MALRD1: variants seen among roughly 807,000 people sequenced by gnomAD.
MALRD1 encodes the protein MAM and LDL receptor class A domain containing 1, also known as MAM and LDL-receptor class A domain-containing protein 1.
In MALRD1, 247 loss-of-function variants were observed where a neutral mutation model predicts 242.1. The observed-to-expected ratio is 1.02, with a 90% CI of 0.92 to 1.13. MALRD1 has a LOEUF of 1.13. Ranked by LOEUF, MALRD1 falls within the 50% of genes most tolerant of loss-of-function variation. MALRD1 has a pLI of 0.00. For missense variants in MALRD1, 2,989 were observed against 2,533.1 expected (o/e 1.18, Z -3.86); for synonymous variants, 995 against 866.6 (o/e 1.15, Z -2.60).
intron 14 of MALRD1, among the ~76,000 whole-genome samples, chr10:19,191,933 G>A (rs994919109): frequency 3.9e-5 from 6 of 152,080 alleles, no homozygotes; most frequent in Non-Finnish European, 7.4e-5. Context: ...GGGAAGCGGA[G>A]GTTGTAGTGA....
At chr10:19,182,836 T>C (rs1324896146) in intron 14 of MALRD1, among the ~76,000 whole-genome samples, 1 of 152,184 alleles carries the variant, frequency 6.6e-6, no homozygotes, top group Non-Finnish European at 1.5e-5. Context: ...GGTCACTTAG[T>C]AAATGCTGTC....
intron 29 of MALRD1, among the ~76,000 whole-genome samples, chr10:19,490,857 C>T (rs555392653): frequency 1.3e-5 from 2 of 152,152 alleles, no homozygotes; most frequent in East Asian, 3.9e-4. Context: ...AAAAAATTTG[C>T]ATAAAATAGT....
chr10:19,374,157 A>G (rs931955877), intron 26 of MALRD1, among the ~76,000 whole-genome samples: 12 of 152,222 alleles, frequency 7.9e-5, no homozygotes, highest in Non-Finnish European at 1.5e-4. Flanking sequence ...ATATATAAAT[A>G]CACATTACTG....
intron 21 of MALRD1, among the ~76,000 whole-genome samples, chr10:19,296,007 A>C (rs1028334197): frequency 6.6e-6 from 1 of 152,016 alleles, no homozygotes; most frequent in Non-Finnish European, 1.5e-5. Context: ...AATTACTTGG[A>C]GGCAGTGTTG....
chr10:19,522,090 A>G (rs940463011), intron 31 of MALRD1, among the ~76,000 whole-genome samples: 6 of 151,320 alleles, frequency 4.0e-5, no homozygotes, highest in African/African-American at 7.4e-5. Context: ...CGCAAGATTA[A>G]TATTTATAAT....
At chr10:19,271,708 A>C (rs1840252396) in intron 19 of MALRD1, among the ~76,000 whole-genome samples, 1 of 151,466 alleles carries the variant, frequency 6.6e-6, no homozygotes, top group South Asian at 2.1e-4. Context: ...GGTTGCAGTG[A>C]GCCGAGATCT....
rs530625522 is a variant in MALRD1, at chr10:19,528,942, A to G, written c.5321-2252A>G. Reference sequence around the variant, plus strand: ...GCCCATGAACGGGAACTCTTCAGGGACAAGTACTGGTGTAGGAATCCTCAC... The same window carrying G: ...GCCCATGAACGGGAACTCTTCAGGGGCAAGTACTGGTGTAGGAATCCTCAC... On this transcript the variant is annotated intron_variant, in intron 31 of 39. Transcript: ENST00000454679. Among the ~76,000 whole-genome samples the G allele has an allele frequency of 2.6e-5, 4 of 152,296 alleles. No homozygotes were observed. The East Asian group carries it at 7.7e-4, about 29-fold the overall frequency.
Position 19,203,861 on chromosome 10 carries a change from T to C in MALRD1, c.2085T>C (p.His695=), listed in dbSNP as rs921985852. The change falls in exon 15 of 40, where the codon CAT becomes CAC. Residue 695 remains histidine (H), a synonymous_variant. Transcript: ENST00000454679. The stretch of plus-strand genomic sequence containing the variant: ...AGCACCAGGCTCCACCTCGGGATCA[T>C]AGTCTCAACGCATCTCAAGGTAAGA... ...DFEHQAPPRD[H]SLNASQGHFM... 1.3e-6 allele frequency: 2 copies of C among 1,550,516 alleles called. No individual in the cohort carries two copies. Among genetic ancestry groups the C allele is most frequent in the South Asian group, 2.4e-5 (2 of 84,064 alleles).
intron 14 of MALRD1, among the ~76,000 whole-genome samples, chr10:19,185,577 T>C (rs1005931705): frequency 1.4e-4 from 21 of 152,184 alleles, no homozygotes; most frequent in African/African-American, 3.6e-4. Context: ...GTATATCTGC[T>C]AAATACAGAA....
intron 33 of MALRD1, among the ~76,000 whole-genome samples, chr10:19,573,095 C>T (rs1341789015): frequency 2.0e-5 from 3 of 150,126 alleles, no homozygotes; most frequent in African/African-American, 7.2e-5. Flanking sequence ...TCCTGATTTG[C>T]TTTCTGTCTC....
intron 21 of MALRD1, chr10:19,291,523 A>T (rs1333478808): frequency 6.6e-6 from 1 of 151,940 alleles, no homozygotes; most frequent in Non-Finnish European, 1.5e-5. Flanking sequence ...AGCCTGGGTG[A>T]CAGAATGACA....
chr10:19,585,846 G>A (rs1368106631), intron 33 of MALRD1, among the ~76,000 whole-genome samples: 33 of 152,116 alleles, frequency 2.2e-4, no homozygotes, highest in Admixed American at 2.1e-3. Flanking sequence ...CATTCTCCCT[G>A]TCACTTTCAG....
chr10:19,106,477 T>A (rs1177070114), intron 5 of MALRD1, among the ~76,000 whole-genome samples: 1 of 151,914 alleles, frequency 6.6e-6, no homozygotes, highest in Non-Finnish European at 1.5e-5. Flanking sequence ...GTGCAACCAG[T>A]CATAATAGCT....
intron 36 of MALRD1, among the ~76,000 whole-genome samples, chr10:19,618,963 A>G (rs930295304): frequency 1.3e-5 from 2 of 151,962 alleles, no homozygotes; most frequent in African/African-American, 4.8e-5. Context: ...AATCTTGCCT[A>G]GCCTTGGACC....
chr10:19,443,393 GTTC>G (rs1396420203), intron 28 of MALRD1, among the ~76,000 whole-genome samples: 2 of 152,052 alleles, frequency 1.3e-5, no homozygotes, highest in Admixed American at 6.6e-5. Context: ...TGCTTCTTTA[GTTC>G]TTTTAATTGC....
chr10:19,243,315 G>A (rs988074576), intron 18 of MALRD1, among the ~76,000 whole-genome samples: 1 of 151,874 alleles, frequency 6.6e-6, no homozygotes, highest in Admixed American at 6.6e-5. Flanking sequence ...ATTATTTAAT[G>A]GCAGCATTAA....
In MALRD1 at chr10:19,088,585, A is replaced by AT. The variant is rs1391933734; in HGVS notation, c.597+403dup. On this transcript the variant is annotated intron_variant, in intron 4 of 39. Transcript: ENST00000454679. ...AAAGTTTTTTTTTATTTATTTATTT[A>AT]TTTATTTTTTTTTATTATACTCTAA... Among the ~76,000 whole-genome samples the AT allele has an allele frequency of 6.2e-4, 47 of 75,444 alleles. 1 individual carries two copies. Among genetic ancestry groups the AT allele is most frequent in the African/African-American group, 1.6e-3 (28 of 17,196 alleles). 49.5% of individuals were successfully genotyped at this position (75,444 alleles called of 152,430 possible). A position where few individuals can be genotyped will look rare whatever the true frequency, so the allele number is the denominator to read the frequency against.
chr10:19,515,173 A>G (rs1833571352), intron 31 of MALRD1, among the ~76,000 whole-genome samples: 1 of 152,108 alleles, frequency 6.6e-6, no homozygotes, highest in South Asian at 2.1e-4. Flanking sequence ...TACCATCTTT[A>G]TATACTTGGA....
intron 32 of MALRD1, among the ~76,000 whole-genome samples, chr10:19,545,473 T>C (rs1835169555): frequency 6.6e-6 from 1 of 152,148 alleles, no homozygotes; most frequent in Non-Finnish European, 1.5e-5. Context: ...AGGTTGAAAA[T>C]TATTTTTCCT....
Sources: gnomAD v4.1 joint callset for allele counts (sites outside exome capture counted in the v4.1 genomes callset) on GRCh38, gnomAD v4.1.1 for gene constraint, MANE v1.5 for transcripts, NCBI Gene and HGNC (gene_info 2026-07-23, HGNC 2026-07-21) for gene names.